Variants in GNAZ observed in about 807,000 individuals in gnomAD.
GNAZ encodes G protein subunit alpha z, also known as guanine nucleotide-binding protein G(z) subunit alpha.
GNAZ carries 3 observed loss-of-function variants against 25.4 expected under a neutral mutation model. That is an observed-to-expected ratio of 0.12 (90% CI 0.05 to 0.30). The LOEUF (loss-of-function observed/expected upper bound fraction) is 0.30, where lower values mean the gene tolerates loss of function less well. GNAZ is among the 10% of genes least tolerant of loss of function. GNAZ has a pLI of 1.00. For synonymous variants in GNAZ, 211 were observed against 205.7 expected (o/e 1.03, Z -0.22); for missense variants, 241 against 501.8 (o/e 0.48, Z 4.97).
intron 2 of GNAZ, among the ~76,000 whole-genome samples, chr22:23,113,309 C>T (rs2069712522): frequency 6.6e-6 from 1 of 152,238 alleles, no homozygotes; most frequent in African/African-American, 2.4e-5. Flanking sequence ...CCCCGGCTCC[C>T]ACCCCAGCAC....
chr22:23,123,144 A>T lies in GNAZ; in HGVS notation c.781A>T (p.Ile261Phe). 6.2e-7 allele frequency: 1 copy of T among 1,614,112 alleles called. No individual in the cohort carries two copies. The highest frequency in any genetic ancestry group is 8.5e-7 in the Non-Finnish European group (1 of 1,179,950). ...CTCCATCTGCAACAACAACTGGTTC[A>T]TCAACACCTCACTCATCCTCTTCCT... ...FDSICNNNWFINTSLILFLNK... is the reference protein window; with the variant it reads ...FDSICNNNWFFNTSLILFLNK... The change falls in exon 3 of 3, where the codon ATC becomes TTC. Residue 261 changes from isoleucine (I) to phenylalanine (F), a missense_variant. Coordinates refer to ENST00000615612, the MANE Select transcript of GNAZ (RefSeq NM_002073.4).
chr22:23,070,728 GGA>G (rs1032784249), intron 1 of GNAZ, 158 bp downstream of exon 1: 1 of 152,264 alleles, frequency 6.6e-6, no homozygotes, highest in African/African-American at 2.4e-5. Context: ...CAGGGGTGGG[GGA>G]CACCAAGGGC....
intron 2 of GNAZ, among the ~76,000 whole-genome samples, chr22:23,115,294 G>A (rs1395642907): frequency 6.6e-6 from 1 of 152,180 alleles, no homozygotes; most frequent in Admixed American, 6.5e-5. Flanking sequence ...TGAGCTGATG[G>A]TGTACGTTCA....
At chr22:23,110,967 T>C (rs2146361636) in intron 2 of GNAZ, among the ~76,000 whole-genome samples, 1 of 152,312 alleles carries the variant, frequency 6.6e-6, no homozygotes, top group South Asian at 2.1e-4. Context: ...CAGCGACGAT[T>C]CCATCTAGGT....
At chr22:23,081,089 G>A (rs1158065225) in intron 1 of GNAZ, among the ~76,000 whole-genome samples, 1 of 152,222 alleles carries the variant, frequency 6.6e-6, no homozygotes, top group Non-Finnish European at 1.5e-5. Context: ...GAGGGCTTCT[G>A]TGGAAATGAA....
rs1191459652 is a variant in GNAZ, at chr22:23,095,478, G to C, written c.-218G>C. 1 of 572,042 alleles carries C rather than the reference G, an allele frequency of 1.7e-6. No homozygotes were observed. Among genetic ancestry groups the C allele is most frequent in the Middle Eastern group, 4.6e-4 (1 of 2,170 alleles). 35.4% of individuals were successfully genotyped at this position (572,042 alleles called of 1,614,324 possible). Reference sequence around the variant, plus strand: ...ACTAGGGAGGTGGAGTGTCACTAGTGGGGAGGGGCGGCCACCGCCCGCTGC... The same window carrying C: ...ACTAGGGAGGTGGAGTGTCACTAGTCGGGAGGGGCGGCCACCGCCCGCTGC... On this transcript the variant is annotated 5_prime_UTR_variant, in exon 2 of 3. Transcript: ENST00000615612.
intron 2 of GNAZ, chr22:23,122,328 C>G (rs1023293181): frequency 6.6e-6 from 1 of 152,580 alleles, no homozygotes; most frequent in African/African-American, 2.4e-5. Flanking sequence ...GTCACTGCCT[C>G]TTCCTGGCCC....
intron 2 of GNAZ, among the ~76,000 whole-genome samples, 199 bp from the exon 3 acceptor site, chr22:23,122,888 A>G (rs886205511): frequency 6.6e-6 from 1 of 152,200 alleles, no homozygotes; most frequent in African/African-American, 2.4e-5. Flanking sequence ...GCCACTGGCA[A>G]GGAGGGTGCT....
In GNAZ at chr22:23,123,604, G is replaced by T. The variant is rs1325213431; in HGVS notation, c.*173G>T. 11 of 600,326 alleles carry T rather than the reference G, an allele frequency of 1.8e-5. No individual in the cohort carries two copies. The highest frequency in any genetic ancestry group is 3.3e-5 in the Non-Finnish European group (11 of 337,238). The allele number at this position is 600,326 out of a possible 1,614,324, so 37.2% of individuals were successfully genotyped here. ...ATTTCTGCAAACATAAATATTTACG[G>T]ATAGATTGCTAGGTAGATAGACACA... On this transcript the variant is annotated 3_prime_UTR_variant, in exon 3 of 3. Transcript: ENST00000615612.
At chr22:23,106,696 C>T (rs6003509) in intron 2 of GNAZ, among the ~76,000 whole-genome samples, 6,740 of 152,344 alleles carry the variant, frequency 0.044, 496 homozygotes, top group African/African-American at 0.15. Flanking sequence ...GAGACGTGAG[C>T]GGTTGGCAGA....
At position 23,093,208 on chromosome 22, in the gene GNAZ, C is replaced by T. The variant is rs77716798; in HGVS notation, c.-449-2039C>T. On this transcript the variant is annotated intron_variant, in intron 1 of 2. Coordinates refer to ENST00000615612, the MANE Select transcript of GNAZ (RefSeq NM_002073.4). The stretch of plus-strand genomic sequence containing the variant: ...TCCATTCTCAGATGTAATTTTCAGC[C>T]TCACTGGGATTGGGCTGAGTGACTG... 1.5e-3 allele frequency among the ~76,000 whole-genome samples: 224 copies of T among 152,362 alleles called. 1 individual carries two copies. Among genetic ancestry groups the T allele is most frequent in the African/African-American group, 5.1e-3 (214 of 41,584 alleles).
At chr22:23,120,043 G>A (rs2069967655) in intron 2 of GNAZ, among the ~76,000 whole-genome samples, 1 of 152,208 alleles carries the variant, frequency 6.6e-6, no homozygotes, top group Admixed American at 6.5e-5. Flanking sequence ...CTCGGGAGAT[G>A]TTTGTCTGTC....
At chr22:23,070,909 G>A (rs1163111705) in intron 1 of GNAZ, among the ~76,000 whole-genome samples, 1 of 152,106 alleles carries the variant, frequency 6.6e-6, no homozygotes, top group East Asian at 1.9e-4. Flanking sequence ...CCCAAGCAGC[G>A]GCTGATGCGG....
chr22:23,122,473 TGGCCTCTGGCTGGTGTTTCCTTCCCAG>T (rs1278531215), intron 2 of GNAZ: 2 of 153,148 alleles, frequency 1.3e-5, no homozygotes, highest in African/African-American at 4.8e-5. Context: ...GGGAGGAGCC[TGGCCTCTGGCTGGTGTTTCCTTCCCAG>T]CTCTCAAGAA....
intron 2 of GNAZ, among the ~76,000 whole-genome samples, chr22:23,105,862 G>C (rs1038199548): frequency 3.9e-5 from 6 of 152,178 alleles, no homozygotes; most frequent in African/African-American, 1.4e-4. Context: ...AAGTGGACTG[G>C]GGCTTTGGAA....
intron 1 of GNAZ, among the ~76,000 whole-genome samples, chr22:23,086,022 T>G (rs2068810183): frequency 6.6e-6 from 1 of 152,248 alleles, no homozygotes; most frequent in Non-Finnish European, 1.5e-5. Flanking sequence ...GTCCCGCCCC[T>G]GGCTAGTGGC....
chr22:23,090,502 T>C (rs1483015457), intron 1 of GNAZ, among the ~76,000 whole-genome samples: 1 of 152,140 alleles, frequency 6.6e-6, no homozygotes, highest in Admixed American at 6.5e-5. Flanking sequence ...GTCATGGCAC[T>C]TCTCACCCAA....
At position 23,079,840 on chromosome 22, in the gene GNAZ, C is replaced by T. The variant is rs571496897; in HGVS notation, c.-450+9270C>T. ...CAGCCTCAGTTCTCAAGGAAAGGGACGCAGGGAAGGCGTGCTGGGCATGTA... is the reference window on the plus strand; with the variant it reads ...CAGCCTCAGTTCTCAAGGAAAGGGATGCAGGGAAGGCGTGCTGGGCATGTA... On this transcript the variant is annotated intron_variant, in intron 1 of 2. Coordinates refer to ENST00000615612, the MANE Select transcript of GNAZ (RefSeq NM_002073.4). Among the ~76,000 whole-genome samples, 31 of 152,248 alleles carry T rather than the reference C, an allele frequency of 2.0e-4. No homozygotes were observed. In the East Asian group the frequency reaches 2.3e-3, roughly 11 times the overall value.
rs2068367395 is a variant in GNAZ at position 23,071,320 on chromosome 22, A to G, written c.-450+750A>G. On this transcript the variant is annotated intron_variant, in intron 1 of 2. Transcript: ENST00000615612. This position sits in a 1 kb window ranked among gnomAD's most constrained non-coding sequence, Gnocchi z 4.1. ...CGGTGCTGAGCCTTCCTGGGTGATG[A>G]TGGCAGGATTCGGCCTAGGCCGAGA... Among the ~76,000 whole-genome samples, 1 of 152,110 alleles carries G rather than the reference A, an allele frequency of 6.6e-6. No homozygotes were observed. Among genetic ancestry groups the G allele is most frequent in the Admixed American group, 6.5e-5 (1 of 15,284 alleles).
Sources: allele counts gnomAD v4.1 joint callset (sites outside exome capture counted in the v4.1 genomes callset), GRCh38; gene constraint gnomAD v4.1.1; non-coding constraint Gnocchi (gnomAD v3.1); transcripts MANE v1.5; gene names NCBI Gene and HGNC (gene_info 2026-07-23, HGNC 2026-07-21).